Variants in CTNND2 observed in about 807,000 individuals in gnomAD.
CTNND2 encodes the protein catenin delta 2, also known as catenin delta-2.
A neutral mutation model predicts 144.4 loss-of-function variants in CTNND2; 22 were observed. That is an observed-to-expected ratio of 0.15 (90% CI 0.11 to 0.22). The LOEUF (loss-of-function observed/expected upper bound fraction) is 0.22, where lower values mean the gene tolerates loss of function less well. CTNND2 is among the 10% of genes least tolerant of loss of function. CTNND2 has a pLI of 1.00. For missense variants in CTNND2, 1,353 were observed against 1,618.8 expected (o/e 0.84, Z 2.82); for synonymous variants, 751 against 695.6 (o/e 1.08, Z -1.25).
chr5:11,164,585 T>C (rs1041380415), intron 11 of CTNND2, among the ~76,000 whole-genome samples: 1 of 152,192 alleles, frequency 6.6e-6, no homozygotes, highest in Non-Finnish European at 1.5e-5. Context: ...CTAGTCACTG[T>C]GCTCCAGCCA....
At chr5:11,424,934 C>G (rs1762659494) in intron 3 of CTNND2, among the ~76,000 whole-genome samples, 1 of 152,174 alleles carries the variant, frequency 6.6e-6, no homozygotes, top group Non-Finnish European at 1.5e-5. Flanking sequence ...GTGACCCTGC[C>G]CTGGGCTCAT....
chr5:11,805,993 G>T (rs1341687567), intron 1 of CTNND2, among the ~76,000 whole-genome samples: 2 of 151,926 alleles, frequency 1.3e-5, no homozygotes, highest in Non-Finnish European at 2.9e-5. Flanking sequence ...TCCAGGAGAG[G>T]GACATCCTAT....
intron 8 of CTNND2, among the ~76,000 whole-genome samples, chr5:11,353,796 T>C (rs1465712329): frequency 6.7e-6 from 1 of 148,562 alleles, no homozygotes; most frequent in Non-Finnish European, 1.5e-5. Context: ...AGAGCAAGAC[T>C]CCATTTCAAA....
At chr5:11,143,900 G>C (rs10053794) in intron 12 of CTNND2, among the ~76,000 whole-genome samples, 81,073 of 117,762 alleles carry the variant, frequency 0.69, 28,784 homozygotes, top group East Asian at 0.89. Flanking sequence ...AGGGGCAGTC[G>C]CCAGGTCTAC....
At chr5:11,308,093 G>C (rs951077986) in intron 9 of CTNND2, among the ~76,000 whole-genome samples, 1 of 152,192 alleles carries the variant, frequency 6.6e-6, no homozygotes, top group South Asian at 2.1e-4. Flanking sequence ...CTCCAGAACT[G>C]TGAAAAATAA....
chr5:11,698,042 A>G (rs1785216981), intron 2 of CTNND2, among the ~76,000 whole-genome samples: 1 of 152,140 alleles, frequency 6.6e-6, no homozygotes, highest in Non-Finnish European at 1.5e-5. Flanking sequence ...AATTTTAAAA[A>G]TCAGTCTGGT....
chr5:11,813,727 TG>T (rs1477997861), intron 1 of CTNND2, among the ~76,000 whole-genome samples: 2 of 152,212 alleles, frequency 1.3e-5, no homozygotes, highest in African/African-American at 4.8e-5. Flanking sequence ...TTGCCTAGGC[TG>T]GGCGCAAACT....
intron 3 of CTNND2, among the ~76,000 whole-genome samples, chr5:11,487,347 G>A (rs981679632): frequency 3.3e-5 from 5 of 152,166 alleles, no homozygotes; most frequent in Non-Finnish European, 7.4e-5. Context: ...TTAGTGTCAT[G>A]TTTTCCTTTA....
chr5:11,398,584 T>TG (rs893212597), intron 5 of CTNND2, among the ~76,000 whole-genome samples: 9 of 151,354 alleles, frequency 5.9e-5, no homozygotes, highest in African/African-American at 2.2e-4. Flanking sequence ...ATGCGGTTTC[T>TG]GGAAAAAAAA....
chr5:11,368,801 A>C (rs1039193876), intron 7 of CTNND2, among the ~76,000 whole-genome samples: 2 of 152,228 alleles, frequency 1.3e-5, no homozygotes, highest in East Asian at 1.9e-4. Flanking sequence ...CAGGAAACAC[A>C]CCAAACTCTT....
At chr5:11,797,693 TCAA>T (rs1190443558) in intron 1 of CTNND2, among the ~76,000 whole-genome samples, 1 of 152,228 alleles carries the variant, frequency 6.6e-6, no homozygotes, top group Non-Finnish European at 1.5e-5. Context: ...TTCAAACTTC[TCAA>T]CAAATGTTTG....
chr5:11,386,500 T>A (rs1287097235), intron 6 of CTNND2, among the ~76,000 whole-genome samples: 1 of 152,222 alleles, frequency 6.6e-6, no homozygotes, highest in African/African-American at 2.4e-5. Flanking sequence ...GGATGTCAAG[T>A]TCATATGCAG....
intron 16 of CTNND2, among the ~76,000 whole-genome samples, chr5:11,081,990 T>C (rs1451704827): frequency 5.9e-5 from 9 of 152,224 alleles, no homozygotes; most frequent in African/African-American, 2.2e-4. Context: ...TATGTGGATA[T>C]CTCAATTAAA....
intron 2 of CTNND2, among the ~76,000 whole-genome samples, chr5:11,728,338 G>A (rs986168219): frequency 1.3e-4 from 19 of 151,766 alleles, no homozygotes; most frequent in East Asian, 7.7e-4. Flanking sequence ...GCGTGGTGGC[G>A]CATGCCTGTA....
At chr5:11,326,329 T>C (rs1387265424) in intron 9 of CTNND2, among the ~76,000 whole-genome samples, 1 of 152,158 alleles carries the variant, frequency 6.6e-6, no homozygotes. Context: ...CATAGTAATA[T>C]GTAGTGAGGT....
rs1430131880 is a variant in CTNND2 at position 11,549,122 on chromosome 5, A to G, written c.287+15822T>C. Among the ~76,000 whole-genome samples, 3 of 152,186 alleles carry G rather than the reference A, an allele frequency of 2.0e-5. No individual in the cohort carries two copies. The East Asian group carries it at 5.8e-4, about 29-fold the overall frequency. ...TCATGCTTAGGAGGGTTAGCTTGAT[A>G]TATGTCTTGTTATTGATACCTAGGA... On this transcript the variant is annotated intron_variant, in intron 3 of 21. Coordinates refer to ENST00000304623, the MANE Select transcript of CTNND2 (RefSeq NM_001332.4).
chr5:11,274,606 C>A (rs1580769620), intron 9 of CTNND2, among the ~76,000 whole-genome samples: 5 of 148,712 alleles, frequency 3.4e-5, no homozygotes, highest in Non-Finnish European at 4.5e-5. Flanking sequence ...AAAGGCAACA[C>A]CAAAACACAA....
chr5:11,295,543 G>T (rs1438458637), intron 9 of CTNND2, among the ~76,000 whole-genome samples: 1 of 152,190 alleles, frequency 6.6e-6, no homozygotes, highest in Non-Finnish European at 1.5e-5. Context: ...TAAGCTAAAA[G>T]AACAAAGCTG....
At chr5:11,618,068 C>T (rs998908424) in intron 2 of CTNND2, among the ~76,000 whole-genome samples, 1 of 151,972 alleles carries the variant, frequency 6.6e-6, no homozygotes, top group African/African-American at 2.4e-5. Flanking sequence ...TCTCTGCCTC[C>T]TCTACCTAAC....
Sources: gnomAD v4.1 joint callset for allele counts (sites outside exome capture counted in the v4.1 genomes callset) on GRCh38, gnomAD v4.1.1 for gene constraint, MANE v1.5 for transcripts, NCBI Gene and HGNC (gene_info 2026-07-23, HGNC 2026-07-21) for gene names.